The following DLGAP2 variants were observed in gnomAD, a reference collection of about 807,000 sequenced individuals.
The protein encoded by DLGAP2 is DLG associated protein 2.
Under a neutral mutation model 100.3 loss-of-function variants are expected in DLGAP2, and 26 were observed. The ratio of observed to expected loss-of-function variants is 0.26; its 90% CI spans 0.19 to 0.36. The LOEUF (loss-of-function observed/expected upper bound fraction) is 0.36, where lower values mean the gene tolerates loss of function less well. Among genes scored for constraint, DLGAP2 ranks in the 10% least tolerant of loss-of-function variants. The pLI, the probability that DLGAP2 is intolerant of heterozygous loss-of-function variation, is 1.00. For synonymous variants in DLGAP2, 886 were observed against 630.1 expected (o/e 1.41, Z -6.08); for missense variants, 1,858 against 1,453.2 (o/e 1.28, Z -4.53).
chr8:1,150,930 T>C (rs1439698976), intron 2 of DLGAP2, among the ~76,000 whole-genome samples: 1 of 152,248 alleles, frequency 6.6e-6, no homozygotes, highest in Non-Finnish European at 1.5e-5. Context: ...CTTTCTGAGA[T>C]AATCATTATT....
At chr8:1,258,347 A>G (rs1799271878) in intron 2 of DLGAP2, among the ~76,000 whole-genome samples, 1 of 151,754 alleles carries the variant, frequency 6.6e-6, no homozygotes, top group Non-Finnish European at 1.5e-5. Flanking sequence ...TTACTACCAA[A>G]CACCACATGA....
At chr8:937,919 G>A (rs934833451) in intron 2 of DLGAP2, among the ~76,000 whole-genome samples, 18 of 152,156 alleles carry the variant, frequency 1.2e-4, no homozygotes, top group Admixed American at 1.1e-3. Context: ...AGGGGGACAG[G>A]AGGTGTCCAT....
intron 4 of DLGAP2, among the ~76,000 whole-genome samples, chr8:1,546,098 C>A: frequency 6.6e-6 from 1 of 152,284 alleles, no homozygotes; most frequent in Middle Eastern, 3.4e-3. Context: ...AAAATAATAT[C>A]TAAATATTCC....
intron 2 of DLGAP2, among the ~76,000 whole-genome samples, chr8:1,103,467 C>T (rs1301550202): frequency 4.1e-5 from 6 of 144,704 alleles, no homozygotes; most frequent in African/African-American, 1.4e-4. Flanking sequence ...CCTTGGTTAA[C>T]GTTGATGACT....
At chr8:1,359,546 G>T (rs1218450225) in intron 3 of DLGAP2, among the ~76,000 whole-genome samples, 2 of 152,276 alleles carry the variant, frequency 1.3e-5, no homozygotes, top group African/African-American at 4.8e-5. Flanking sequence ...CGAAGGCCTG[G>T]AGGGATTTGG....
At chr8:1,464,672 C>G (rs377406341) in intron 3 of DLGAP2, among the ~76,000 whole-genome samples, 2 of 152,220 alleles carry the variant, frequency 1.3e-5, no homozygotes. Context: ...CCAGGAAGAG[C>G]TGTCAGGGGC....
chr8:1,175,349 C>G (rs149972166), intron 2 of DLGAP2, among the ~76,000 whole-genome samples: 5 of 152,206 alleles, frequency 3.3e-5, no homozygotes, highest in Admixed American at 2.6e-4. Context: ...ATCTCTGTAG[C>G]ACATCTAATC....
intron 2 of DLGAP2, among the ~76,000 whole-genome samples, chr8:979,484 G>A (rs1040647709): frequency 2.0e-5 from 3 of 152,216 alleles, no homozygotes; most frequent in Non-Finnish European, 4.4e-5. Context: ...CCTGTAACTG[G>A]AGAGACAGGA....
At position 1,352,666 on chromosome 8, in the gene DLGAP2, G is replaced by A. The variant is rs138525882; in HGVS notation, c.106+93783G>A. 2.0e-4 allele frequency among the ~76,000 whole-genome samples: 30 copies of A among 152,322 alleles called. No individual in the cohort carries two copies. The East Asian group carries it at 5.6e-3, about 28-fold the overall frequency. On this transcript the variant is annotated intron_variant, in intron 3 of 14. Coordinates refer to ENST00000637795, the MANE Select transcript of DLGAP2 (RefSeq NM_001346810.2). The stretch of plus-strand genomic sequence containing the variant: ...TAAAGACTCGAACCCTGACTGGGGC[G>A]TGGCTGGCCTTGTCCACGTTCCTTC...
At chr8:1,078,580 A>C (rs1322393732) in intron 2 of DLGAP2, among the ~76,000 whole-genome samples, 1 of 134,648 alleles carries the variant, frequency 7.4e-6, no homozygotes, top group East Asian at 2.2e-4. Context: ...CCTCTCCTCT[A>C]ACCCCTAGCA....
At chr8:1,455,000 C>G (rs899446764) in intron 3 of DLGAP2, among the ~76,000 whole-genome samples, 1 of 152,128 alleles carries the variant, frequency 6.6e-6, no homozygotes, top group Non-Finnish European at 1.5e-5. Context: ...CACAGCCACC[C>G]GTGAGCACTG....
intron 6 of DLGAP2, among the ~76,000 whole-genome samples, chr8:1,569,226 G>A (rs1217421919): frequency 6.6e-6 from 1 of 152,262 alleles, no homozygotes; most frequent in Admixed American, 6.5e-5. Context: ...CAGAGATGGT[G>A]CAACAGTTGG....
At chr8:826,852 G>A (rs1295630075) in intron 1 of DLGAP2, among the ~76,000 whole-genome samples, 1 of 152,170 alleles carries the variant, frequency 6.6e-6, no homozygotes, top group Non-Finnish European at 1.5e-5. Context: ...GGAGAGAGAA[G>A]CTTAGGGGTG....
At chr8:1,259,213 G>T (rs745689915) in intron 3 of DLGAP2, among the ~76,000 whole-genome samples, 1 of 152,164 alleles carries the variant, frequency 6.6e-6, no homozygotes, top group Non-Finnish European at 1.5e-5. Flanking sequence ...AAGTGCATTC[G>T]CCCAAGGTGC....
At chr8:931,318 G>A (rs1465941515) in intron 2 of DLGAP2, among the ~76,000 whole-genome samples, 3 of 152,230 alleles carry the variant, frequency 2.0e-5, no homozygotes, top group Non-Finnish European at 4.4e-5. Flanking sequence ...GGTCTCCCAC[G>A]CTGAGGGAGC....
intron 1 of DLGAP2, among the ~76,000 whole-genome samples, chr8:760,961 G>A (rs1415833931): frequency 1.3e-5 from 2 of 152,314 alleles, no homozygotes; most frequent in Admixed American, 1.3e-4. Context: ...AATTTTGCGA[G>A]TGGGTGGTAG....
intron 2 of DLGAP2, among the ~76,000 whole-genome samples, chr8:1,142,006 T>C (rs1272863357): frequency 6.6e-6 from 1 of 151,978 alleles, no homozygotes; most frequent in Non-Finnish European, 1.5e-5. Flanking sequence ...CTTGGAGAAA[T>C]ACATCTCAAG....
chr8:1,705,548 C>G lies in DLGAP2; in HGVS notation c.*4142C>G, dbSNP rs1433394900. The G allele has an allele frequency of 2.0e-5, 3 of 152,370 alleles. No homozygotes were observed. In the East Asian group the frequency reaches 5.8e-4, roughly 29 times the overall value. 9.4% of individuals were successfully genotyped at this position (152,370 alleles called of 1,614,324 possible). ...CATAAAAGCATTGTCCAAAACAGCG[C>G]TGGTTCGGGGAGGGCCCCTGGATAC... On this transcript the variant is annotated 3_prime_UTR_variant, in exon 15 of 15. Transcript: ENST00000637795.
At chr8:931,754 G>A (rs1259663621) in intron 2 of DLGAP2, among the ~76,000 whole-genome samples, 2 of 152,136 alleles carry the variant, frequency 1.3e-5, no homozygotes, top group Admixed American at 6.5e-5. Context: ...CGTTGGCACA[G>A]GAAAAAGGGC....
Sources: gnomAD v4.1 joint callset for allele counts (sites outside exome capture counted in the v4.1 genomes callset) on GRCh38, gnomAD v4.1.1 for gene constraint, MANE v1.5 for transcripts, NCBI Gene and HGNC (gene_info 2026-07-23, HGNC 2026-07-21) for gene names.